The following POPDC1 variants were observed in gnomAD, a reference collection of about 807,000 sequenced individuals.
POPDC1 encodes popeye domain cAMP effector 1.
chr6:105,109,763 C>CAAAAAATAAAAAAAAAAAAAAA, the POPDC1 span, among the ~76,000 whole-genome samples: 1 of 22,866 alleles, frequency 4.4e-5, no homozygotes, highest in Non-Finnish European at 1.1e-4. Context: ...GACCCTTTCT[C>CAAAAAATAAAAAAAAAAAAAAA]AAAAAAAAAA....
chr6:105,123,814 T>C, the POPDC1 span, among the ~76,000 whole-genome samples: 1 of 152,336 alleles, frequency 6.6e-6, no homozygotes, highest in South Asian at 2.1e-4. Context: ...AGTTTAGTGA[T>C]TACATTTCAT....
the POPDC1 span, among the ~76,000 whole-genome samples, chr6:105,135,252 AC>A: frequency 1.6e-4 from 25 of 152,102 alleles, no homozygotes; most frequent in Non-Finnish European, 3.4e-4. Flanking sequence ...AGGAACGTCA[AC>A]CTGATAAACA....
chr6:105,101,525 C>T, the POPDC1 span, among the ~76,000 whole-genome samples: 3 of 152,192 alleles, frequency 2.0e-5, no homozygotes, highest in Non-Finnish European at 2.9e-5. Flanking sequence ...GGACTCAGAA[C>T]GCATGTTCCT....
the POPDC1 span, among the ~76,000 whole-genome samples, chr6:105,125,025 G>C: frequency 6.6e-6 from 1 of 152,190 alleles, no homozygotes; most frequent in African/African-American, 2.4e-5. Flanking sequence ...GATATTCCTA[G>C]AAGTTGTATT....
At chr6:105,110,828 C>T in the POPDC1 span, among the ~76,000 whole-genome samples, 3 of 152,066 alleles carry the variant, frequency 2.0e-5, no homozygotes, top group African/African-American at 4.8e-5. Context: ...GGACCACAGG[C>T]GCATGCCATC....
chr6:105,129,635 G>GC, the POPDC1 span: 1 of 820,604 alleles, frequency 1.2e-6, no homozygotes, highest in Non-Finnish European at 1.8e-6. Flanking sequence ...GACCCCCAGT[G>GC]AACGCCTGAA....
At chr6:105,121,197 A>C in the POPDC1 span, among the ~76,000 whole-genome samples, 6 of 152,206 alleles carry the variant, frequency 3.9e-5, no homozygotes, top group Non-Finnish European at 8.8e-5. Flanking sequence ...AAAAGCTTGC[A>C]AACAGTAAAG....
At chr6:105,113,456 A>G in the POPDC1 span, among the ~76,000 whole-genome samples, 1 of 152,138 alleles carries the variant, frequency 6.6e-6, no homozygotes. Context: ...TGATCTATCC[A>G]TTGATGTTGG....
At chr6:105,125,302 G>T in the POPDC1 span, 1 of 1,423,630 alleles carries the variant, frequency 7.0e-7, no homozygotes. Context: ...TCCATTCATT[G>T]GCAACATTTC....
the POPDC1 span, chr6:105,115,691 G>C: frequency 1.2e-6 from 2 of 1,614,106 alleles, no homozygotes; most frequent in Non-Finnish European, 8.5e-7. Flanking sequence ...CTTACGAAGA[G>C]AGGACATGCT....
the POPDC1 span, among the ~76,000 whole-genome samples, chr6:105,126,103 G>A: frequency 0.86 from 130,285 of 151,872 alleles, 57,452 homozygotes; most frequent in Non-Finnish European, 0.96. Flanking sequence ...GCATGCACCT[G>A]TAATCTCAGC....
At chr6:105,127,910 C>T in the POPDC1 span, among the ~76,000 whole-genome samples, 1 of 152,166 alleles carries the variant, frequency 6.6e-6, no homozygotes, top group Admixed American at 6.5e-5. Flanking sequence ...CAGGTGTGCA[C>T]TACCATGCCA....
chr6:105,132,227 C>T, the POPDC1 span, among the ~76,000 whole-genome samples: 1 of 152,178 alleles, frequency 6.6e-6, no homozygotes, highest in Non-Finnish European at 1.5e-5. Context: ...CGGCCTACCA[C>T]AGTGCTGGGA....
chr6:105,114,845 C>T, the POPDC1 span, among the ~76,000 whole-genome samples: 1 of 152,176 alleles, frequency 6.6e-6, no homozygotes, highest in African/African-American at 2.4e-5. Context: ...TGAGTGATCT[C>T]CTTCATCTTT....
chr6:105,119,326 A>G, the POPDC1 span, among the ~76,000 whole-genome samples: 4 of 152,242 alleles, frequency 2.6e-5, no homozygotes, highest in East Asian at 7.7e-4. Flanking sequence ...CTGCCTAGTG[A>G]CTACAAGGTT....
At chr6:105,135,297 T>C in the POPDC1 span, among the ~76,000 whole-genome samples, 1 of 152,068 alleles carries the variant, frequency 6.6e-6, no homozygotes, top group Non-Finnish European at 1.5e-5. Flanking sequence ...TCCCCAGATC[T>C]CAGTAATAAA....
At chr6:105,101,242 C>T in the POPDC1 span, 1 of 1,585,216 alleles carries the variant, frequency 6.3e-7, no homozygotes, top group South Asian at 1.2e-5. Flanking sequence ...GGGAAAACCA[C>T]TGAATGCACA....
the POPDC1 span, among the ~76,000 whole-genome samples, chr6:105,135,836 T>A: frequency 1.3e-5 from 2 of 152,176 alleles, no homozygotes; most frequent in African/African-American, 4.8e-5. Context: ...GATTACCACT[T>A]AATCGTTAAG....
At chr6:105,121,981 A>G in the POPDC1 span, among the ~76,000 whole-genome samples, 1 of 152,330 alleles carries the variant, frequency 6.6e-6, no homozygotes, top group African/African-American at 2.4e-5. Flanking sequence ...ATGGCTGATG[A>G]TCAAGCGTCC....
Sources: allele counts gnomAD v4.1 joint callset (sites outside exome capture counted in the v4.1 genomes callset), GRCh38; gene constraint gnomAD v4.1.1; transcripts MANE v1.5; gene names NCBI Gene and HGNC (gene_info 2026-07-23, HGNC 2026-07-21).